The following GRIK2 variants were observed in gnomAD, a reference collection of about 807,000 sequenced individuals.
The protein encoded by GRIK2 is glutamate ionotropic receptor kainate type subunit 2.
GRIK2 carries 32 observed loss-of-function variants against 100.3 expected under a neutral mutation model. The observed-to-expected ratio is 0.32, with a 90% CI of 0.24 to 0.43. The LOEUF (loss-of-function observed/expected upper bound fraction) is 0.43. Among genes scored for constraint, GRIK2 ranks in the 20% least tolerant of loss-of-function variants. GRIK2 has a pLI of 1.00. For synonymous variants in GRIK2, 417 were observed against 389.4 expected (o/e 1.07, Z -0.83); for missense variants, 843 against 1,114.9 (o/e 0.76, Z 3.47).
chr6:101,995,528 C>A (rs1794603618), intron 14 of GRIK2, among the ~76,000 whole-genome samples: 1 of 151,896 alleles, frequency 6.6e-6, no homozygotes, highest in South Asian at 2.1e-4. Context: ...ATTATTGATA[C>A]TACTTGACAG....
At chr6:101,968,088 T>C (rs747115833) in intron 14 of GRIK2, among the ~76,000 whole-genome samples, 2 of 152,008 alleles carry the variant, frequency 1.3e-5, no homozygotes, top group Non-Finnish European at 2.9e-5. Context: ...AGTAATACAA[T>C]TTATTTGGCT....
At chr6:101,759,346 G>T (rs1490112307) in intron 7 of GRIK2, among the ~76,000 whole-genome samples, 1 of 151,898 alleles carries the variant, frequency 6.6e-6, no homozygotes, top group Non-Finnish European at 1.5e-5. Flanking sequence ...TTTTTGTAGG[G>T]GTTGTAAAAC....
chr6:101,446,145 T>A (rs943577041), intron 2 of GRIK2, among the ~76,000 whole-genome samples: 4 of 151,996 alleles, frequency 2.6e-5, no homozygotes, highest in Non-Finnish European at 4.4e-5. Context: ...TTTTTAATAA[T>A]CCTGACTATA....
At chr6:101,543,871 T>C (rs1471342306) in intron 2 of GRIK2, among the ~76,000 whole-genome samples, 1 of 152,174 alleles carries the variant, frequency 6.6e-6, no homozygotes, top group Non-Finnish European at 1.5e-5. Flanking sequence ...TACAGAGAAA[T>C]GCTTAGTAAG....
chr6:101,878,866 TG>T (rs1786052086), intron 11 of GRIK2, among the ~76,000 whole-genome samples: 1 of 152,066 alleles, frequency 6.6e-6, no homozygotes, highest in Non-Finnish European at 1.5e-5. Context: ...CAGATTCTTT[TG>T]ACTACCTGGA....
intron 7 of GRIK2, among the ~76,000 whole-genome samples, chr6:101,760,742 TTAATTATATA>T (rs1370354935): frequency 1.5e-5 from 2 of 132,758 alleles, no homozygotes; most frequent in Non-Finnish European, 3.1e-5. Context: ...AATTATATAT[TTAATTATATA>T]TAATTATATA....
intron 7 of GRIK2, among the ~76,000 whole-genome samples, chr6:101,769,073 T>A (rs1454435043): frequency 6.6e-6 from 1 of 152,316 alleles, no homozygotes; most frequent in African/African-American, 2.4e-5. Context: ...AACTTCATGC[T>A]TTTAACTTTT....
chr6:101,464,422 G>A (rs1771504427), intron 2 of GRIK2, among the ~76,000 whole-genome samples: 1 of 151,328 alleles, frequency 6.6e-6, no homozygotes, highest in Admixed American at 6.6e-5. Flanking sequence ...TGCAGTGGTG[G>A]AGGCATAAAC....
intron 11 of GRIK2, among the ~76,000 whole-genome samples, chr6:101,872,688 T>C (rs1785510818): frequency 2.6e-5 from 4 of 151,932 alleles, no homozygotes; most frequent in Admixed American, 2.6e-4. Context: ...GAATAGCATG[T>C]ACTCACCTCA....
intron 1 of GRIK2, among the ~76,000 whole-genome samples, chr6:101,395,780 AT>A (rs151155405): frequency 1.3e-5 from 2 of 152,036 alleles, no homozygotes; most frequent in Non-Finnish European, 2.9e-5. Flanking sequence ...GCCTTCTATG[AT>A]TTTTTTGAGG....
At chr6:101,708,378 T>C (rs751936182) in intron 7 of GRIK2, among the ~76,000 whole-genome samples, 2 of 151,698 alleles carry the variant, frequency 1.3e-5, no homozygotes, top group Non-Finnish European at 2.9e-5. Context: ...GATACTACAT[T>C]ATTATTTTAA....
intron 14 of GRIK2, among the ~76,000 whole-genome samples, chr6:101,988,104 TGTGTG>T (rs1794122628): frequency 1.9e-5 from 1 of 53,142 alleles, no homozygotes; most frequent in Non-Finnish European, 5.3e-5. Flanking sequence ...TGTGTGTGTG[TGTGTG>T]TGTGTGTGTG....
chr6:101,464,375 AG>A (rs1203404850), intron 2 of GRIK2, among the ~76,000 whole-genome samples: 6 of 151,866 alleles, frequency 4.0e-5, no homozygotes, highest in Non-Finnish European at 5.9e-5. Context: ...TTCATATTTT[AG>A]GCATTTTTTA....
intron 14 of GRIK2, among the ~76,000 whole-genome samples, chr6:101,943,263 C>T (rs141913914): frequency 8.5e-5 from 13 of 152,294 alleles, no homozygotes; most frequent in South Asian, 2.1e-4. Flanking sequence ...TTTTAGAGGA[C>T]GTATGGAAAC....
chr6:101,432,067 C>G (rs1423949380), intron 2 of GRIK2, among the ~76,000 whole-genome samples: 2 of 151,998 alleles, frequency 1.3e-5, no homozygotes, highest in South Asian at 2.1e-4. Flanking sequence ...AATTAAGAAC[C>G]CTGTGGCTAT....
intron 7 of GRIK2, among the ~76,000 whole-genome samples, chr6:101,734,624 G>T (rs1201967209): frequency 6.6e-6 from 1 of 152,134 alleles, no homozygotes; most frequent in East Asian, 1.9e-4. Flanking sequence ...CCATCACAGG[G>T]AGCCTAGAGG....
At chr6:101,602,676 C>T (rs891257715) in intron 2 of GRIK2, among the ~76,000 whole-genome samples, 1 of 151,406 alleles carries the variant, frequency 6.6e-6, no homozygotes, top group African/African-American at 2.4e-5. Context: ...TGTTTCAGTG[C>T]CTGGATTGGA....
intron 7 of GRIK2, among the ~76,000 whole-genome samples, chr6:101,692,600 G>A (rs543437405): frequency 4.0e-5 from 6 of 151,876 alleles, no homozygotes; most frequent in African/African-American, 7.2e-5. Flanking sequence ...TGTATTTTTG[G>A]ATCTTCTTTC....
intron 2 of GRIK2, among the ~76,000 whole-genome samples, chr6:101,598,613 AAAG>A (rs1428100519): frequency 7.0e-6 from 1 of 143,090 alleles, no homozygotes; most frequent in Non-Finnish European, 1.5e-5. Flanking sequence ...AAAAAAAAAG[AAAG>A]AAAAAAAATT....
Sources: gnomAD v4.1 joint callset for allele counts (sites outside exome capture counted in the v4.1 genomes callset) on GRCh38, gnomAD v4.1.1 for gene constraint, MANE v1.5 for transcripts, NCBI Gene and HGNC (gene_info 2026-07-23, HGNC 2026-07-21) for gene names.